SNX10: variants seen among roughly 807,000 people sequenced by gnomAD.
The protein encoded by SNX10 is sorting nexin-10.
SNX10 carries 25 observed loss-of-function variants against 28.5 expected under a neutral mutation model. The observed-to-expected ratio is 0.88, with a 90% CI of 0.64 to 1.22. The LOEUF is 1.22. Among genes scored for constraint, SNX10 ranks in the 50% most tolerant of loss-of-function variants. The pLI, the probability that SNX10 is intolerant of heterozygous loss-of-function variation, is 0.00. For missense variants in SNX10, 223 were observed against 242.6 expected (o/e 0.92, Z 0.54); for synonymous variants, 62 against 81.4 (o/e 0.76, Z 1.28).
chr7:26,311,175 G>C (rs1451375645), intron 1 of SNX10, among the ~76,000 whole-genome samples: 1 of 152,112 alleles, frequency 6.6e-6, no homozygotes, highest in Non-Finnish European at 1.5e-5. Context: ...TTTTGAGACA[G>C]GGTCTCGCTC....
chr7:26,338,828 T>A lies in SNX10; in HGVS notation c.-23-7592T>A, dbSNP rs562831574. On this transcript the variant is annotated intron_variant, in intron 1 of 6. Transcript: ENST00000338523. ...AGGTTTTCTTCCTGTCTTCTGTGCC[T>A]GGGTGGGATGGCAGAACTGCTTGAG... Among the ~76,000 whole-genome samples, 8 of 152,284 alleles carry A rather than the reference T, an allele frequency of 5.3e-5. 1 individual carries two copies. The highest frequency in any genetic ancestry group is 1.9e-4 in the African/African-American group (8 of 41,562).
chr7:26,313,065 C>T (rs576189172), intron 1 of SNX10, among the ~76,000 whole-genome samples: 21 of 152,154 alleles, frequency 1.4e-4, no homozygotes, highest in South Asian at 6.2e-4. Context: ...GTATTTACTG[C>T]GTACTGTTCA....
rs142702810 is a variant in SNX10 at position 26,339,530 on chromosome 7, C to CT, written c.-23-6878dup. Among the ~76,000 whole-genome samples the CT allele has an allele frequency of 1.2e-4, 12 of 96,034 alleles. 2 individuals carry two copies. The highest frequency in any genetic ancestry group is 3.6e-4 in the African/African-American group (8 of 22,010). The allele number at this position is 96,034 out of a possible 152,430, so 63.0% of individuals were successfully genotyped here. A position where few individuals can be genotyped will look rare whatever the true frequency, so the allele number is the denominator to read the frequency against. ...TTTGTTTGTTGTTGTTGAGCTTGAT[C>CT]TTTTTTTTTTTTCTTTTTTTTTTGA... On this transcript the variant is annotated intron_variant, in intron 1 of 6. Coordinates refer to ENST00000338523, the MANE Select transcript of SNX10 (RefSeq NM_013322.3).
chr7:26,340,915 C>T (rs923306814), intron 1 of SNX10, among the ~76,000 whole-genome samples: 2 of 152,156 alleles, frequency 1.3e-5, no homozygotes, highest in Non-Finnish European at 2.9e-5. Flanking sequence ...AGGTGTGCAC[C>T]ACCATCCCTG....
chr7:26,309,881 T>G (rs1282709125), intron 1 of SNX10, among the ~76,000 whole-genome samples: 2 of 152,176 alleles, frequency 1.3e-5, no homozygotes. Context: ...AAAATTGAAG[T>G]AATAATGATA....
In SNX10 at chr7:26,364,754, A is replaced by T. The variant is rs1319253697; in HGVS notation, c.212+119A>T. 1.5e-5 allele frequency: 11 copies of T among 721,114 alleles called. No individual in the cohort carries two copies. The highest frequency in any genetic ancestry group is 2.2e-5 in the Non-Finnish European group (10 of 448,176). The allele number at this position is 721,114 out of a possible 1,614,324, so 44.7% of individuals were successfully genotyped here. A position where few individuals can be genotyped will look rare whatever the true frequency, so the allele number is the denominator to read the frequency against. The stretch of plus-strand genomic sequence containing the variant: ...TATAGGCTTTTGCCTTGATTACAAT[A>T]TGTAGCTTTAGTTTCTTAGCTACTG... On this transcript the variant is annotated intron_variant, in intron 4 of 6. Coordinates refer to ENST00000338523, the MANE Select transcript of SNX10 (RefSeq NM_013322.3). The surrounding 1 kb of genome is among the most constrained non-coding windows in gnomAD (Gnocchi z 4.9).
intron 2 of SNX10, among the ~76,000 whole-genome samples, chr7:26,347,125 G>A (rs1266039892): frequency 4.9e-5 from 3 of 60,886 alleles, no homozygotes; most frequent in African/African-American, 7.7e-5. Flanking sequence ...GCACACACAC[G>A]TGCACACACA....
At chr7:26,297,340 C>T (rs1243022279) in intron 1 of SNX10, among the ~76,000 whole-genome samples, 6 of 152,164 alleles carry the variant, frequency 3.9e-5, no homozygotes, top group Non-Finnish European at 8.8e-5. Flanking sequence ...GTGACCCGCC[C>T]GTCTCGGCCT....
chr7:26,338,826 C>G (rs1025717242), intron 1 of SNX10, among the ~76,000 whole-genome samples: 2 of 152,108 alleles, frequency 1.3e-5, no homozygotes, highest in African/African-American at 2.4e-5. Context: ...GTCTTCTGTG[C>G]CTGGGTGGGA....
intron 2 of SNX10, among the ~76,000 whole-genome samples, chr7:26,351,645 G>GTTTTTTTTT (rs1456110302): frequency 7.5e-6 from 1 of 132,550 alleles, no homozygotes; most frequent in Admixed American, 8.4e-5. Flanking sequence ...CAAGCAGTCT[G>GTTTTTTTTT]GTTTTTTTTT....
In SNX10 at chr7:26,374,005, G is replaced by A. The variant is rs1365202792; in HGVS notation, c.*1433G>A. Reference sequence around the variant, plus strand: ...TGGTCTAAAACATTATTAAATTTTTGTAAATATTTTGATTTAATGTGTCTT... The same window carrying A: ...TGGTCTAAAACATTATTAAATTTTTATAAATATTTTGATTTAATGTGTCTT... On this transcript the variant is annotated 3_prime_UTR_variant, in exon 7 of 7. Transcript: ENST00000338523. The A allele has an allele frequency of 6.6e-6, 1 of 151,492 alleles. No homozygotes were observed. Among genetic ancestry groups the A allele is most frequent in the Non-Finnish European group, 1.5e-5 (1 of 67,722 alleles). The allele number at this position is 151,492 out of a possible 1,614,324, so 9.4% of individuals were successfully genotyped here. A position where few individuals can be genotyped will look rare whatever the true frequency, so the allele number is the denominator to read the frequency against.
chr7:26,370,957 A>G (rs1281231369), intron 5 of SNX10, among the ~76,000 whole-genome samples: 2 of 152,220 alleles, frequency 1.3e-5, no homozygotes, highest in Non-Finnish European at 2.9e-5. Context: ...ATAAAGGTAT[A>G]CTTTGATTTG....
rs1353879401 is a variant in SNX10 at position 26,364,574 on chromosome 7, C to T, written c.151C>T (p.Arg51Ter). The change falls in exon 4 of 7, where the codon CGA becomes TGA. Residue 51 changes from arginine (R) to a stop codon, truncating the protein, a stop_gained. Coordinates refer to ENST00000338523, the MANE Select transcript of SNX10 (RefSeq NM_013322.3). LOFTEE classifies it high-confidence loss of function. This position sits in a 1 kb window ranked among gnomAD's most constrained non-coding sequence, Gnocchi z 4.9. ...MCFTMKTSCV[R>*]RRYREFVWLR... ...TTTTACAATGAAAACATCCTGTGTACGAAGAAGATATAGAGAATTCGTGTG... is the reference window on the plus strand; with the variant it reads ...TTTTACAATGAAAACATCCTGTGTATGAAGAAGATATAGAGAATTCGTGTG... 1.2e-5 allele frequency: 19 copies of T among 1,613,800 alleles called. No homozygotes were observed. The highest frequency in any genetic ancestry group is 1.4e-5 in the Non-Finnish European group (17 of 1,179,844).
chr7:26,359,814 C>G (rs773465825), intron 2 of SNX10, among the ~76,000 whole-genome samples: 3 of 152,002 alleles, frequency 2.0e-5, no homozygotes, highest in Non-Finnish European at 4.4e-5. Context: ...CACGCCACCA[C>G]GCCCAGCTGA....
chr7:26,367,770 C>G (rs1349043881), intron 5 of SNX10, among the ~76,000 whole-genome samples: 1 of 152,198 alleles, frequency 6.6e-6, no homozygotes, highest in Non-Finnish European at 1.5e-5. Flanking sequence ...TGAGCCCCCA[C>G]TGGTTACCTG....
chr7:26,297,169 T>C (rs979074903), intron 1 of SNX10, among the ~76,000 whole-genome samples: 7 of 152,230 alleles, frequency 4.6e-5, no homozygotes, highest in African/African-American at 1.7e-4. Flanking sequence ...CAATCTCAGC[T>C]CACTGCAACC....
chr7:26,363,196 G>T (rs955702221), intron 3 of SNX10, among the ~76,000 whole-genome samples: 3 of 152,100 alleles, frequency 2.0e-5, no homozygotes, highest in African/African-American at 4.8e-5. Flanking sequence ...CTTCCAGCGG[G>T]TTTTGCTGCC....
intron 1 of SNX10, among the ~76,000 whole-genome samples, chr7:26,304,071 G>T (rs750909333): frequency 2.6e-5 from 4 of 152,160 alleles, no homozygotes; most frequent in African/African-American, 4.8e-5. Context: ...AAGGAACATA[G>T]AATTGAGAAT....
At chr7:26,339,171 T>G (rs1055415716) in intron 1 of SNX10, among the ~76,000 whole-genome samples, 43 of 152,354 alleles carry the variant, frequency 2.8e-4, no homozygotes, top group Non-Finnish European at 5.0e-4. Context: ...GTTCAGCTTA[T>G]GCCCAGGAAT....
Sources: allele counts gnomAD v4.1 joint callset (sites outside exome capture counted in the v4.1 genomes callset), GRCh38; gene constraint gnomAD v4.1.1; non-coding constraint Gnocchi (gnomAD v3.1); transcripts MANE v1.5; gene names NCBI Gene and HGNC (gene_info 2026-07-23, HGNC 2026-07-21).